GALNT17: variants seen among roughly 807,000 people sequenced by gnomAD.
GALNT17 encodes the protein UDP-GalNAc:polypeptide N-acetylgalactosaminyltransferase-like 3.
GALNT17 carries 29 observed loss-of-function variants against 63.7 expected under a neutral mutation model. That is an observed-to-expected ratio of 0.46 (90% confidence interval 0.34 to 0.62). GALNT17 has a LOEUF of 0.62. Among genes scored for constraint, GALNT17 ranks in the 20% least tolerant of loss-of-function variants. GALNT17 has a pLI of 0.01. For synonymous variants in GALNT17, 305 were observed against 318.3 expected (o/e 0.96, Z 0.45); for missense variants, 603 against 799.6 (o/e 0.75, Z 2.97).
intron 2 of GALNT17, among the ~76,000 whole-genome samples, chr7:71,381,301 T>C (rs534931501): frequency 6.6e-6 from 1 of 152,232 alleles, no homozygotes; most frequent in South Asian, 2.1e-4. Flanking sequence ...CCCCAGACGA[T>C]GCTGTTGCGG....
At position 71,583,482 on chromosome 7, in the gene GALNT17, T is replaced by C. The variant is rs117352428; in HGVS notation, c.1080+12080T>C. Among the ~76,000 whole-genome samples, 202 of 152,308 alleles carry C rather than the reference T, an allele frequency of 1.3e-3. 1 individual carries two copies. The South Asian group carries it at 0.027, about 21-fold the overall frequency. On this transcript the variant is annotated intron_variant, in intron 6 of 10. Coordinates refer to ENST00000333538, the MANE Select transcript of GALNT17 (RefSeq NM_022479.3). ...AGCTGCAGATGATGAGCTGCTCACC[T>C]GTAAGTTTGTCTCTGCAGTGGCACC...
chr7:71,639,639 A>G (rs1376361223), intron 6 of GALNT17, among the ~76,000 whole-genome samples: 3 of 152,200 alleles, frequency 2.0e-5, no homozygotes, highest in Non-Finnish European at 4.4e-5. Flanking sequence ...CACCTAAACC[A>G]TAGCACACAA....
At chr7:71,596,229 G>T (rs1394809648) in intron 6 of GALNT17, among the ~76,000 whole-genome samples, 1 of 152,018 alleles carries the variant, frequency 6.6e-6, no homozygotes, top group Non-Finnish European at 1.5e-5. Flanking sequence ...TAGTAGAGAC[G>T]GGGTTTCACC....
At chr7:71,300,294 G>A in intron 1 of GALNT17, 1 of 349,518 alleles carries the variant, frequency 2.9e-6, no homozygotes, top group South Asian at 2.1e-5. Flanking sequence ...AATGTATCTG[G>A]ACTCTGGGCT....
intron 1 of GALNT17, among the ~76,000 whole-genome samples, chr7:71,239,959 A>G (rs376410280): frequency 1.7e-4 from 26 of 152,206 alleles, no homozygotes; most frequent in African/African-American, 5.8e-4. Flanking sequence ...TTTCTGTCCT[A>G]TATTACATTT....
intron 6 of GALNT17, among the ~76,000 whole-genome samples, chr7:71,595,267 A>G (rs906969539): frequency 6.6e-6 from 1 of 151,970 alleles, no homozygotes; most frequent in African/African-American, 2.4e-5. Flanking sequence ...ACAAAAAATA[A>G]AAATAATAAC....
intron 8 of GALNT17, among the ~76,000 whole-genome samples, chr7:71,671,972 G>A (rs1791076468): frequency 6.7e-6 from 1 of 148,272 alleles, no homozygotes; most frequent in African/African-American, 2.5e-5. Context: ...AAGTTGCAGT[G>A]AGCTGAGATC....
At chr7:71,675,937 G>A (rs1358977951) in intron 8 of GALNT17, among the ~76,000 whole-genome samples, 1 of 152,182 alleles carries the variant, frequency 6.6e-6, no homozygotes, top group Non-Finnish European at 1.5e-5. Flanking sequence ...GCAGTGAGTC[G>A]AGATCGCGCC....
intron 5 of GALNT17, among the ~76,000 whole-genome samples, chr7:71,484,766 C>G (rs2116653382): frequency 6.7e-6 from 1 of 149,686 alleles, no homozygotes; most frequent in South Asian, 2.1e-4. Flanking sequence ...AGGTTGAACC[C>G]AGACTGATAC....
intron 2 of GALNT17, among the ~76,000 whole-genome samples, chr7:71,377,125 ATATATATAT>A (rs1792756747): frequency 9.6e-6 from 1 of 103,716 alleles, no homozygotes; most frequent in Non-Finnish European, 2.1e-5. Flanking sequence ...ATATATATAT[ATATATATAT>A]ATATATAAAA....
intron 9 of GALNT17, among the ~76,000 whole-genome samples, chr7:71,681,107 C>T (rs1330842916): frequency 6.6e-6 from 1 of 152,124 alleles, no homozygotes; most frequent in Non-Finnish European, 1.5e-5. Flanking sequence ...TGCTGTGTTG[C>T]CTGGGCTTGT....
chr7:71,306,339 G>T (rs985402342), intron 1 of GALNT17, among the ~76,000 whole-genome samples: 2 of 152,130 alleles, frequency 1.3e-5, no homozygotes, highest in African/African-American at 4.8e-5. Flanking sequence ...TTGGGCAACA[G>T]AACTGTTTTC....
chr7:71,165,213 G>T (rs1227816053), intron 1 of GALNT17, among the ~76,000 whole-genome samples: 1 of 152,188 alleles, frequency 6.6e-6, no homozygotes, highest in Non-Finnish European at 1.5e-5. Context: ...AAGGGCAGCT[G>T]GCACTGTCTT....
intron 1 of GALNT17, among the ~76,000 whole-genome samples, chr7:71,275,194 A>G (rs1222447095): frequency 2.6e-5 from 4 of 152,122 alleles, no homozygotes; most frequent in African/African-American, 4.8e-5. Context: ...TCCTTCCCTT[A>G]TAACAAAGAT....
At chr7:71,262,707 G>T (rs1249685017) in intron 1 of GALNT17, among the ~76,000 whole-genome samples, 4 of 140,072 alleles carry the variant, frequency 2.9e-5, no homozygotes, top group East Asian at 4.2e-4. Flanking sequence ...TTGAGACAGG[G>T]TCTTGCTCTG....
intron 9 of GALNT17, among the ~76,000 whole-genome samples, chr7:71,710,231 C>T (rs1054700530): frequency 6.6e-6 from 1 of 152,110 alleles, no homozygotes; most frequent in Non-Finnish European, 1.5e-5. Flanking sequence ...AGATCAGGGC[C>T]GGGCGCCGTG....
At position 71,421,383 on chromosome 7, in the gene GALNT17, T is replaced by C. The variant is rs74634559; in HGVS notation, c.962+278T>C. Among the ~76,000 whole-genome samples, 632 of 152,328 alleles carry C rather than the reference T, an allele frequency of 4.1e-3. 4 individuals carry two copies. Among genetic ancestry groups the C allele is most frequent in the Middle Eastern group, 6.8e-3 (2 of 294 alleles). On this transcript the variant is annotated intron_variant, in intron 5 of 10. Transcript: ENST00000333538. ...TCACACTTCTTTATTCTTCCTCGTA[T>C]AGGAGGAACTGCGTTCAGGAGCTTT... is the stretch of plus-strand genomic sequence containing the variant.
intron 1 of GALNT17, among the ~76,000 whole-genome samples, chr7:71,148,098 C>A (rs1289115590): frequency 6.6e-6 from 1 of 152,148 alleles, no homozygotes; most frequent in African/African-American, 2.4e-5. Context: ...ATGGCCAGCC[C>A]AGTAGTTTCC....
chr7:71,600,556 A>T (rs1435327726), intron 6 of GALNT17, among the ~76,000 whole-genome samples: 1 of 152,044 alleles, frequency 6.6e-6, no homozygotes, highest in Non-Finnish European at 1.5e-5. Flanking sequence ...TTTATCTCCA[A>T]CTTTATAGAT....
Sources: allele counts gnomAD v4.1 joint callset (sites outside exome capture counted in the v4.1 genomes callset), GRCh38; gene constraint gnomAD v4.1.1; transcripts MANE v1.5; gene names NCBI Gene and HGNC (gene_info 2026-07-23, HGNC 2026-07-21).